The following GPR158 variants were observed in gnomAD, a reference collection of about 807,000 sequenced individuals.
The protein encoded by GPR158 is metabotropic glycine receptor.
Under a neutral mutation model 78.2 loss-of-function variants are expected in GPR158, and 30 were observed. The ratio of observed to expected loss-of-function variants is 0.38; its 90% CI spans 0.29 to 0.52. GPR158 has a LOEUF of 0.52. Ranked by LOEUF, GPR158 falls within the 20% of genes least tolerant of loss-of-function variation. The probability of loss-of-function intolerance (pLI) is 0.83; values close to 1 mark genes in which losing one functional copy is unlikely to be tolerated. For missense variants in GPR158, 1,463 were observed against 1,523.5 expected, an observed-to-expected ratio of 0.96 and a Z score of 0.66; for synonymous variants, 581 against 591.1, an observed-to-expected ratio of 0.98 and a Z score of 0.25.
At chr10:25,224,788 C>G (rs1853351105) in intron 2 of GPR158, among the ~76,000 whole-genome samples, 1 of 152,210 alleles carries the variant, frequency 6.6e-6, no homozygotes, top group South Asian at 2.1e-4. Flanking sequence ...AGAGATACAG[C>G]TGGCAATTCT....
At chr10:25,478,490 A>ATG (rs570190934) in intron 5 of GPR158, among the ~76,000 whole-genome samples, 2 of 138,032 alleles carry the variant, frequency 1.4e-5, no homozygotes, top group African/African-American at 6.2e-5. Flanking sequence ...GAAATATATA[A>ATG]TGCGTGTGTG....
chr10:25,534,215 C>T (rs1027468196), intron 5 of GPR158, among the ~76,000 whole-genome samples: 1 of 152,014 alleles, frequency 6.6e-6, no homozygotes, highest in Non-Finnish European at 1.5e-5. Flanking sequence ...TCTTTTTTGG[C>T]CTTGAGTGTT....
At chr10:25,198,584 G>GA (rs1163152735) in intron 1 of GPR158, among the ~76,000 whole-genome samples, 1 of 152,060 alleles carries the variant, frequency 6.6e-6, no homozygotes, top group Non-Finnish European at 1.5e-5. Flanking sequence ...TGATGCTAGA[G>GA]AAAAAAGACA....
rs2130549696 is a variant in GPR158, at chr10:25,412,510, A to G, written c.1335+37A>G. The G allele has an allele frequency of 5.1e-6, 7 of 1,360,724 alleles. No individual in the cohort carries two copies. The East Asian group carries it at 6.8e-5, about 13-fold the overall frequency. 84.3% of individuals were successfully genotyped at this position (1,360,724 alleles called of 1,614,324 possible). ...AACCCTGGTTATGATCCTGTATTAC[A>G]GAGCAACCTCTTATCTTTTTAAGCA... On this transcript the variant is annotated intron_variant, in intron 4 of 10. Coordinates refer to ENST00000376351, the MANE Select transcript of GPR158 (RefSeq NM_020752.3).
intron 2 of GPR158, among the ~76,000 whole-genome samples, chr10:25,271,796 G>A (rs564257334): frequency 7.4e-4 from 106 of 144,184 alleles, no homozygotes; most frequent in African/African-American, 2.9e-3. Flanking sequence ...CGTGTATCAC[G>A]CTTGGCTAAT....
intron 2 of GPR158, among the ~76,000 whole-genome samples, chr10:25,361,485 A>G (rs1588824532): frequency 6.6e-6 from 1 of 151,936 alleles, no homozygotes; most frequent in East Asian, 1.9e-4. Context: ...TGGTAATTAT[A>G]TTTTTGAGTT....
chr10:25,581,269 G>C (rs1268570896), intron 7 of GPR158, among the ~76,000 whole-genome samples: 1 of 152,090 alleles, frequency 6.6e-6, no homozygotes, highest in East Asian at 1.9e-4. Flanking sequence ...CAGACTTGCT[G>C]TGTTGACCAG....
intron 5 of GPR158, among the ~76,000 whole-genome samples, chr10:25,511,207 A>G (rs569062151): frequency 6.6e-6 from 1 of 152,198 alleles, no homozygotes; most frequent in South Asian, 2.1e-4. Context: ...GCCAACATCT[A>G]TTATTTTTTG....
chr10:25,324,206 CTGGCTTTCAGCCTATCT>C (rs1854995684), intron 2 of GPR158, among the ~76,000 whole-genome samples: 1 of 152,250 alleles, frequency 6.6e-6, no homozygotes, highest in Non-Finnish European at 1.5e-5. Flanking sequence ...CACGAGAGGC[CTGGCTTTCAGCCTATCT>C]TGGCTTTTGA....
At chr10:25,422,958 G>A (rs1409135141) in intron 4 of GPR158, among the ~76,000 whole-genome samples, 3 of 148,408 alleles carry the variant, frequency 2.0e-5, no homozygotes, top group Non-Finnish European at 4.5e-5. Context: ...ACAATGTTTG[G>A]TTTTCCATTC....
At chr10:25,196,580 A>C (rs1439981560) in intron 1 of GPR158, among the ~76,000 whole-genome samples, 1 of 152,208 alleles carries the variant, frequency 6.6e-6, no homozygotes, top group Non-Finnish European at 1.5e-5. Context: ...CTTGTGACAC[A>C]TGTGCAGGCC....
intron 2 of GPR158, among the ~76,000 whole-genome samples, chr10:25,319,546 A>G (rs960149342): frequency 3.3e-5 from 5 of 152,208 alleles, no homozygotes; most frequent in African/African-American, 1.2e-4. Context: ...GTGAACGGGT[A>G]AAATTCTGAG....
chr10:25,320,798 G>A lies in GPR158; in HGVS notation c.1009-75113G>A, dbSNP rs1321974015. On this transcript the variant is annotated intron_variant, in intron 2 of 10. Transcript: ENST00000376351. Reference sequence around the variant, plus strand: ...TCTGAAAAATAATGCTGTCACCCTAGCAGGAGTTTTTATTCTAATCAACTA... The same window carrying A: ...TCTGAAAAATAATGCTGTCACCCTAACAGGAGTTTTTATTCTAATCAACTA... Among the ~76,000 whole-genome samples the A allele has an allele frequency of 3.9e-5, 6 of 152,186 alleles. No individual in the cohort carries two copies. The East Asian group carries it at 1.2e-3, about 29-fold the overall frequency.
chr10:25,307,173 G>A (rs1351864176), intron 2 of GPR158, among the ~76,000 whole-genome samples: 1 of 151,886 alleles, frequency 6.6e-6, no homozygotes, highest in African/African-American at 2.4e-5. Context: ...CTTTCAGGTA[G>A]TCTTATAGTT....
chr10:25,549,788 C>A (rs2130711259), intron 5 of GPR158, among the ~76,000 whole-genome samples: 1 of 152,132 alleles, frequency 6.6e-6, no homozygotes, highest in Non-Finnish European at 1.5e-5. Flanking sequence ...CTTGGCACTG[C>A]TAGAGAGAGG....
intron 2 of GPR158, among the ~76,000 whole-genome samples, chr10:25,292,988 GAAAT>G (rs1311577998): frequency 1.3e-5 from 2 of 152,162 alleles, no homozygotes; most frequent in African/African-American, 4.8e-5. Context: ...TTCCCACCAT[GAAAT>G]AAATGGATGA....
At chr10:25,261,831 G>A (rs1853972420) in intron 2 of GPR158, among the ~76,000 whole-genome samples, 1 of 152,144 alleles carries the variant, frequency 6.6e-6, no homozygotes, top group African/African-American at 2.4e-5. Flanking sequence ...AGCTAGGCCA[G>A]GTGTAGCAAA....
At chr10:25,529,534 G>T (rs1588900116) in intron 5 of GPR158, among the ~76,000 whole-genome samples, 1 of 152,112 alleles carries the variant, frequency 6.6e-6, no homozygotes, top group East Asian at 1.9e-4. Context: ...TGGATTGGAG[G>T]TTGCCCCCGT....
intron 4 of GPR158, among the ~76,000 whole-genome samples, chr10:25,427,985 A>C (rs1834847193): frequency 6.6e-6 from 1 of 152,092 alleles, no homozygotes; most frequent in Non-Finnish European, 1.5e-5. Context: ...ATAAAATAAC[A>C]AAATTAACAT....
Sources: gnomAD v4.1 joint callset for allele counts (sites outside exome capture counted in the v4.1 genomes callset) on GRCh38, gnomAD v4.1.1 for gene constraint, MANE v1.5 for transcripts, NCBI Gene and HGNC (gene_info 2026-07-23, HGNC 2026-07-21) for gene names.